The following SYN3 variants were observed in gnomAD, a reference collection of about 807,000 sequenced individuals.
The protein encoded by SYN3 is synapsin III.
A neutral mutation model predicts 65.8 loss-of-function variants in SYN3; 35 were observed. The ratio of observed to expected loss-of-function variants is 0.53; its 90% confidence interval spans 0.41 to 0.70. The LOEUF (loss-of-function observed/expected upper bound fraction) is 0.70, where lower values mean the gene tolerates loss of function less well. SYN3 is among the 30% of genes least tolerant of loss of function. The pLI is 0.00. For synonymous variants in SYN3, 270 were observed against 292.9 expected (o/e 0.92, Z 0.80); for missense variants, 680 against 749.0 (o/e 0.91, Z 1.08).
intron 6 of SYN3, among the ~76,000 whole-genome samples, chr22:32,653,882 G>A (rs1437569327): frequency 2.0e-5 from 3 of 152,202 alleles, no homozygotes; most frequent in African/African-American, 7.2e-5. Context: ...CTCTCTCCCT[G>A]CTTCCTTTCC....
At position 32,990,821 on chromosome 22, in the gene SYN3, G is replaced by T. The variant is rs143296545; in HGVS notation, c.312-10119C>A. On this transcript the variant is annotated intron_variant, in intron 2 of 13. Transcript: ENST00000358763. ...CCAGTACTTTGGGAGGCTGAGGTGG[G>T]CGGATCACTGGAGGTGGGGAGTTCG... Among the ~76,000 whole-genome samples the T allele has an allele frequency of 5.7e-3, 874 of 152,264 alleles. 6 individuals are homozygous for T. Among genetic ancestry groups the T allele is most frequent in the South Asian group, 0.028 (135 of 4,818 alleles).
At chr22:32,610,431 A>T (rs1332024278) in intron 6 of SYN3, among the ~76,000 whole-genome samples, 2 of 152,164 alleles carry the variant, frequency 1.3e-5, no homozygotes, top group Non-Finnish European at 2.9e-5. Context: ...ATTTCCCTGG[A>T]GCCCCTTCCA....
At chr22:33,052,748 C>T (rs983509139) in intron 1 of SYN3, among the ~76,000 whole-genome samples, 2 of 152,236 alleles carry the variant, frequency 1.3e-5, no homozygotes, top group African/African-American at 2.4e-5. Flanking sequence ...CCGTCATTGG[C>T]TAATAATTCC....
intron 1 of SYN3, among the ~76,000 whole-genome samples, chr22:33,011,279 T>C (rs975073651): frequency 6.6e-6 from 1 of 152,186 alleles, no homozygotes; most frequent in Non-Finnish European, 1.5e-5. Context: ...GTTCTTATCA[T>C]TTGGGAGTTG....
intron 6 of SYN3, among the ~76,000 whole-genome samples, chr22:32,705,145 T>C (rs924462414): frequency 6.6e-6 from 1 of 152,252 alleles, no homozygotes; most frequent in Non-Finnish European, 1.5e-5. Context: ...ATGTCCAGAA[T>C]GGTATTGCCT....
intron 3 of SYN3, among the ~76,000 whole-genome samples, chr22:32,956,851 G>T (rs1233359700): frequency 6.6e-6 from 1 of 152,160 alleles, no homozygotes; most frequent in Non-Finnish European, 1.5e-5. Flanking sequence ...TGAAGGAACT[G>T]CCATACTGTT....
At chr22:33,033,344 T>C (rs112467518) in intron 1 of SYN3, among the ~76,000 whole-genome samples, 86 of 151,948 alleles carry the variant, frequency 5.7e-4, no homozygotes, top group Middle Eastern at 3.4e-3. Context: ...TTGGTTTTCT[T>C]GCTCACAGGC....
intron 6 of SYN3, 63 bp from the exon 7 acceptor site, chr22:32,596,799 G>T: frequency 6.6e-7 from 1 of 1,512,664 alleles, no homozygotes. Flanking sequence ...GGCTCTGGGT[G>T]CTGCTTGTTC....
chr22:32,763,820 G>A (rs899355207), intron 6 of SYN3, among the ~76,000 whole-genome samples: 25 of 152,194 alleles, frequency 1.6e-4, no homozygotes, highest in African/African-American at 6.0e-4. Context: ...AAGCTGAAAG[G>A]AAAGGGGAAG....
chr22:33,012,238 TTC>T lies in SYN3; in HGVS notation c.-162-5416_-162-5415del, dbSNP rs1352977946. 1.9e-4 allele frequency among the ~76,000 whole-genome samples: 29 copies of T among 152,330 alleles called. 1 individual carries two copies. The highest frequency in any genetic ancestry group is 3.9e-4 in the East Asian group (2 of 5,186). On this transcript the variant is annotated intron_variant, in intron 1 of 13. Coordinates refer to ENST00000358763, the MANE Select transcript of SYN3 (RefSeq NM_003490.4). ...TTTCATTATCATTCATTTTAAATTA[TTC>T]TGTTTATCCCTTATAATTTTTTGAC...
At chr22:32,917,775 C>T (rs1044043359) in intron 4 of SYN3, among the ~76,000 whole-genome samples, 3 of 152,248 alleles carry the variant, frequency 2.0e-5, no homozygotes, top group Non-Finnish European at 4.4e-5. Context: ...GCAGATCTGC[C>T]GCTGGCCTGT....
At chr22:32,686,081 A>G (rs1354280563) in intron 6 of SYN3, among the ~76,000 whole-genome samples, 1 of 152,212 alleles carries the variant, frequency 6.6e-6, no homozygotes, top group African/African-American at 2.4e-5. Flanking sequence ...AGAGGCTTTT[A>G]TAATGTTAAT....
intron 6 of SYN3, among the ~76,000 whole-genome samples, chr22:32,619,195 G>A (rs1385172620): frequency 1.3e-5 from 2 of 152,166 alleles, no homozygotes; most frequent in South Asian, 2.1e-4. Flanking sequence ...TCATGAACAC[G>A]TTGAGGTCCG....
chr22:32,831,103 T>C (rs1472251306), intron 6 of SYN3, among the ~76,000 whole-genome samples: 1 of 152,198 alleles, frequency 6.6e-6, no homozygotes, highest in African/African-American at 2.4e-5. Flanking sequence ...AGGTTCAGGT[T>C]GGGCTGAGGT....
chr22:32,648,418 A>C (rs559279129), intron 6 of SYN3, among the ~76,000 whole-genome samples: 1 of 152,358 alleles, frequency 6.6e-6, no homozygotes, highest in Non-Finnish European at 1.5e-5. Context: ...TAAAACTTAA[A>C]AATATCAATA....
rs150339154 is a variant in SYN3 at position 32,827,850 on chromosome 22, C to T, written c.711+37065G>A. Among the ~76,000 whole-genome samples, 27 of 152,258 alleles carry T rather than the reference C, an allele frequency of 1.8e-4. No homozygotes were observed. In the East Asian group the frequency reaches 5.2e-3, roughly 29 times the overall value. On this transcript the variant is annotated intron_variant, in intron 6 of 13. Coordinates refer to ENST00000358763, the MANE Select transcript of SYN3 (RefSeq NM_003490.4). ...CACTGTCTCTTTTGAACTTGCTGTCCTCTCTTCCAGGAACACCTCATCCCC... is the reference window on the plus strand; with the variant it reads ...CACTGTCTCTTTTGAACTTGCTGTCTTCTCTTCCAGGAACACCTCATCCCC...
chr22:32,620,317 C>CTTT (rs888172642), intron 6 of SYN3, among the ~76,000 whole-genome samples: 1 of 151,634 alleles, frequency 6.6e-6, no homozygotes, highest in African/African-American at 2.4e-5. Flanking sequence ...ACTCCAAAAA[C>CTTT]TTTTTTTTTA....
chr22:32,917,979 T>G (rs563050386), intron 4 of SYN3, among the ~76,000 whole-genome samples: 182 of 152,354 alleles, frequency 1.2e-3, no homozygotes, highest in Non-Finnish European at 2.0e-3. Context: ...AAGGCTGCTC[T>G]GCTGGGCCCC....
intron 4 of SYN3, among the ~76,000 whole-genome samples, chr22:32,884,419 G>T (rs2049233532): frequency 6.6e-6 from 1 of 152,216 alleles, no homozygotes; most frequent in Non-Finnish European, 1.5e-5. Flanking sequence ...TTCAAAAAGA[G>T]AATGGTAACA....
Sources: gnomAD v4.1 joint callset for allele counts (sites outside exome capture counted in the v4.1 genomes callset) on GRCh38, gnomAD v4.1.1 for gene constraint, MANE v1.5 for transcripts, NCBI Gene and HGNC (gene_info 2026-07-23, HGNC 2026-07-21) for gene names.